Variants in SYNE1 observed in about 807,000 individuals in gnomAD.
SYNE1 encodes spectrin repeat containing nuclear envelope protein 1.
Under a neutral mutation model 1,111.0 loss-of-function variants are expected in SYNE1, and 616 were observed. The observed-to-expected ratio is 0.55, with a 90% CI of 0.52 to 0.59. The LOEUF (loss-of-function observed/expected upper bound fraction) is 0.59. Among genes scored for constraint, SYNE1 ranks in the 20% least tolerant of loss-of-function variants. The pLI is 0.00. For missense variants in SYNE1, 10,006 were observed against 10,417.0 expected, an observed-to-expected ratio of 0.96 and a Z score of 1.72; for synonymous variants, 3,855 against 3,825.8, an observed-to-expected ratio of 1.01 and a Z score of -0.28.
chr6:152,614,446 C>A (rs1234488987), intron 3 of SYNE1, among the ~76,000 whole-genome samples: 2 of 152,116 alleles, frequency 1.3e-5, no homozygotes, highest in Non-Finnish European at 2.9e-5. Flanking sequence ...CCATCTCACA[C>A]CAGTAAGAAT....
At chr6:152,259,421 C>T (rs2091575047) in intron 101 of SYNE1, among the ~76,000 whole-genome samples, 1 of 152,262 alleles carries the variant, frequency 6.6e-6, no homozygotes, top group African/African-American at 2.4e-5. Flanking sequence ...AGAAAAATTG[C>T]TCTAAGAGGT....
intron 116 of SYNE1, among the ~76,000 whole-genome samples, chr6:152,224,987 AT>A (rs1192183351): frequency 6.8e-6 from 1 of 148,040 alleles, no homozygotes; most frequent in Non-Finnish European, 1.5e-5. Context: ...ATGTATATAT[AT>A]TTTTAAGTTA....
At chr6:152,630,756 AAC>A (rs765782424) in intron 2 of SYNE1, among the ~76,000 whole-genome samples, 4 of 152,248 alleles carry the variant, frequency 2.6e-5, no homozygotes, top group Non-Finnish European at 4.4e-5. Flanking sequence ...ACAGATGATT[AAC>A]ACACAGTCCC....
intron 130 of SYNE1, 145 bp downstream of exon 130, chr6:152,176,249 G>C: frequency 9.0e-7 from 1 of 1,109,184 alleles, no homozygotes; most frequent in Non-Finnish European, 1.4e-6. Context: ...TGCCACTTAT[G>C]AGAGGAGCAT....
At chr6:152,282,068 G>T in intron 96 of SYNE1, 88 bp from the exon 97 acceptor site, 1 of 1,385,086 alleles carries the variant, frequency 7.2e-7, no homozygotes, top group Non-Finnish European at 1.0e-6. Flanking sequence ...CCAGGCCCTG[G>T]CTGTACATAA....
intron 93 of SYNE1, among the ~76,000 whole-genome samples, chr6:152,298,652 G>T (rs2095013285): frequency 6.6e-6 from 1 of 151,930 alleles, no homozygotes; most frequent in South Asian, 2.1e-4. Context: ...ACAAAACTCA[G>T]GGTTTTTAAT....
intron 100 of SYNE1, among the ~76,000 whole-genome samples, chr6:152,264,456 A>G (rs1424417541): frequency 1.3e-5 from 2 of 152,090 alleles, no homozygotes; most frequent in African/African-American, 4.8e-5. Context: ...GAATAAATGT[A>G]AACACAACAG....
At chr6:152,588,931 A>G (rs1383317942) in intron 3 of SYNE1, among the ~76,000 whole-genome samples, 2 of 151,996 alleles carry the variant, frequency 1.3e-5, no homozygotes, top group African/African-American at 4.8e-5. Flanking sequence ...GAAAGCCAAG[A>G]GTTTTAAATG....
intron 30 of SYNE1, 70 bp downstream of exon 30, chr6:152,444,341 T>G: frequency 6.4e-7 from 1 of 1,554,108 alleles, no homozygotes; most frequent in Non-Finnish European, 8.8e-7. Flanking sequence ...GTTGTATTCT[T>G]TATCTCTCTG....
At chr6:152,260,686 A>C (rs1336768665) in intron 101 of SYNE1, among the ~76,000 whole-genome samples, 1 of 151,286 alleles carries the variant, frequency 6.6e-6, no homozygotes. Context: ...CCTTTTTGGC[A>C]CCAGGGGTTG....
intron 11 of SYNE1, among the ~76,000 whole-genome samples, chr6:152,497,240 T>C (rs914831288): frequency 1.3e-5 from 2 of 152,158 alleles, no homozygotes; most frequent in Admixed American, 6.5e-5. Context: ...CAATATATGA[T>C]TGCAGAATAA....
chr6:152,595,271 G>A (rs955803020), intron 3 of SYNE1, among the ~76,000 whole-genome samples: 1 of 151,954 alleles, frequency 6.6e-6, no homozygotes, highest in Non-Finnish European at 1.5e-5. Flanking sequence ...GCCCCAGCCT[G>A]TTCAATAAAA....
In SYNE1 at chr6:152,449,790, A is replaced by G. The variant is rs749803292; in HGVS notation, c.3396-149T>C. 4 of 704,362 alleles carry G rather than the reference A, an allele frequency of 5.7e-6. No individual in the cohort carries two copies. In the East Asian group the frequency reaches 1.1e-4, roughly 20 times the overall value. 43.6% of individuals were successfully genotyped at this position (704,362 alleles called of 1,614,324 possible). A position where few individuals can be genotyped will look rare whatever the true frequency, so the allele number is the denominator to read the frequency against. On this transcript the variant is annotated intron_variant, in intron 27 of 145. Coordinates refer to ENST00000367255, the MANE Select transcript of SYNE1 (RefSeq NM_182961.4). ...CTTTTCTGGAAACTATTCTTTTAAC[A>G]TGAAGCTCATGTTAAAGGGCAGGGG...
chr6:152,297,781 CTGTGTG>C (rs377152081), intron 93 of SYNE1, among the ~76,000 whole-genome samples: 2,772 of 119,840 alleles, frequency 0.023, 68 homozygotes, highest in African/African-American at 0.067. Flanking sequence ...CAGTCTCACT[CTGTGTG>C]TGTGTGTGTG....
chr6:152,148,224 C>T lies in SYNE1; in HGVS notation c.24797G>A (p.Arg8266Gln), dbSNP rs200137670. ...GGTGTCTCGTCCTGACCGCTCGCTC[C>T]GGAGGGGCTGAGCGAGCGAGAGGGA... ...NLSLSLAQPL[R>Q]SERSGRDTPA... is the part of the protein sequence containing the mutation. The change falls in exon 137 of 146, where the codon CGG becomes CAG. Residue 8266 changes from arginine to glutamine, a missense_variant. Physicochemically the swap from Arg to Gln is conservative, Grantham distance 43. Transcript: ENST00000367255. The surrounding 1 kb of genome is among the most constrained non-coding windows in gnomAD (Gnocchi z 4.1). 149 of 1,613,894 alleles carry T rather than the reference C, an allele frequency of 9.2e-5. No individual in the cohort carries two copies. The highest frequency in any genetic ancestry group is 1.2e-4 in the Non-Finnish European group (141 of 1,179,956).
chr6:152,381,912 T>C lies in SYNE1; in HGVS notation c.8653-550A>G, dbSNP rs6936032. On this transcript the variant is annotated intron_variant, in intron 55 of 145. Coordinates refer to ENST00000367255, the MANE Select transcript of SYNE1 (RefSeq NM_182961.4). ...ATACTAAGTAAACATTTTTGTAGCA[T>C]ATAAAATGAATAATTCATTCATAGA... 7.0e-3 allele frequency among the ~76,000 whole-genome samples: 1,062 copies of C among 152,272 alleles called. 10 individuals carry two copies. The highest frequency in any genetic ancestry group is 0.024 in the African/African-American group (1,017 of 41,552).
intron 142 of SYNE1, 55 bp from the exon 143 acceptor site, chr6:152,133,543 G>T (rs2056353866): frequency 1.3e-6 from 2 of 1,551,764 alleles, no homozygotes; most frequent in Admixed American, 1.8e-5. Context: ...ATTGGCAAAA[G>T]CTCCAAAAGT....
chr6:152,285,609 C>T (rs1200490556), intron 95 of SYNE1, among the ~76,000 whole-genome samples: 1 of 152,216 alleles, frequency 6.6e-6, no homozygotes, highest in Non-Finnish European at 1.5e-5. Context: ...ACTTCAGTCA[C>T]TTCCTGGCTT....
intron 11 of SYNE1, among the ~76,000 whole-genome samples, chr6:152,488,826 A>G (rs893823153): frequency 5.3e-5 from 8 of 152,126 alleles, no homozygotes; most frequent in African/African-American, 1.9e-4. Context: ...TGGAGTAGAA[A>G]CACAGTCCTG....
Sources: gnomAD v4.1 joint callset for allele counts (sites outside exome capture counted in the v4.1 genomes callset) on GRCh38, gnomAD v4.1.1 for gene constraint, Gnocchi (gnomAD v3.1) non-coding constraint, MANE v1.5 for transcripts, NCBI Gene and HGNC (gene_info 2026-07-23, HGNC 2026-07-21) for gene names.